PDE1C: variants seen among roughly 807,000 people sequenced by gnomAD.
PDE1C encodes the protein phosphodiesterase 1C.
A neutral mutation model predicts 93.1 loss-of-function variants in PDE1C; 62 were observed. The ratio of observed to expected loss-of-function variants is 0.67; its 90% CI spans 0.54 to 0.82. The LOEUF (loss-of-function observed/expected upper bound fraction) is 0.82, where lower values mean the gene tolerates loss of function less well. Ranked by LOEUF, PDE1C falls within the 40% of genes least tolerant of loss-of-function variation. The probability of loss-of-function intolerance (pLI) is 0.00; values close to 1 mark genes in which losing one functional copy is unlikely to be tolerated. For synonymous variants in PDE1C, 325 were observed against 310.1 expected, an observed-to-expected ratio of 1.05 and a Z score of -0.50; for missense variants, 742 against 884.6, an observed-to-expected ratio of 0.84 and a Z score of 2.04.
intron 1 of PDE1C, among the ~76,000 whole-genome samples, chr7:32,398,385 A>T (rs1784878552): frequency 6.6e-6 from 1 of 151,488 alleles, no homozygotes; most frequent in Admixed American, 6.6e-5. Context: ...CTTGGTAGGA[A>T]CTGTGATTTT....
At chr7:31,863,195 G>T (rs1000247569) in intron 7 of PDE1C, among the ~76,000 whole-genome samples, 6 of 152,018 alleles carry the variant, frequency 3.9e-5, no homozygotes, top group Middle Eastern at 3.4e-3. Context: ...TGTTTTTGAG[G>T]CTCTTTATAG....
intron 1 of PDE1C, among the ~76,000 whole-genome samples, chr7:32,293,136 G>C (rs542263362): frequency 6.6e-6 from 1 of 152,194 alleles, no homozygotes; most frequent in African/African-American, 2.4e-5. Flanking sequence ...CACCCACAGG[G>C]TGACAGCCAG....
intron 1 of PDE1C, among the ~76,000 whole-genome samples, chr7:32,282,568 A>T (rs1811732465): frequency 6.9e-6 from 1 of 144,458 alleles, no homozygotes; most frequent in African/African-American, 2.6e-5. Flanking sequence ...AAATAACAGA[A>T]CAGTTTTATG....
chr7:32,148,011 A>G (rs1372227573), intron 3 of PDE1C, among the ~76,000 whole-genome samples: 1 of 139,186 alleles, frequency 7.2e-6, no homozygotes, highest in East Asian at 2.4e-4. Flanking sequence ...AAAAAGCCTA[A>G]CCTTTAAAAT....
Position 31,809,103 on chromosome 7 carries a change from A to C in PDE1C, c.1819T>G (p.Phe607Val), listed in dbSNP as rs1300486480. Reference protein sequence around the residue: ...SSGEQQQNGDFKDGKNKTDKK... With the variant: ...SSGEQQQNGDVKDGKNKTDKK... Reference sequence around the variant, plus strand: ...TCTGTCTTATTTTTACCATCTTTGAAGTCACCTGAAAGTAATAAACATGAC... The same window carrying C: ...TCTGTCTTATTTTTACCATCTTTGACGTCACCTGAAAGTAATAAACATGAC... Residue 607 changes from phenylalanine to valine, a missense_variant, in exon 16 of 18, where the codon TTC (phenylalanine) becomes GTC (valine). This residue lies in a region of PDE1C where 454 missense variants were observed against 459.4 expected (regional missense o/e 0.99). Coordinates refer to ENST00000396191, the MANE Select transcript of PDE1C (RefSeq NM_001191057.4). 6.4e-7 allele frequency: 1 copy of C among 1,562,840 alleles called. No homozygotes were observed. Among genetic ancestry groups the C allele is most frequent in the Admixed American group, 1.7e-5 (1 of 59,740 alleles).
intron 3 of PDE1C, among the ~76,000 whole-genome samples, chr7:32,148,150 C>T (rs959294091): frequency 3.9e-5 from 6 of 152,084 alleles, no homozygotes; most frequent in East Asian, 1.9e-4. Flanking sequence ...GTATCACAGG[C>T]AATCTGTGCT....
At chr7:31,815,871 A>G in intron 15 of PDE1C, 53 bp downstream of exon 15, 5 of 1,331,980 alleles carry the variant, frequency 3.8e-6, no homozygotes, top group East Asian at 4.6e-5. Flanking sequence ...GTTTCCATTC[A>G]TTATGTCATT....
the PDE1C span, among the ~76,000 whole-genome samples, chr7:31,627,576 T>A: frequency 6.9e-6 from 1 of 144,426 alleles, no homozygotes; most frequent in Admixed American, 7.4e-5. Context: ...GAGGATTGCT[T>A]GAGCCCAGGA....
intron 2 of PDE1C, among the ~76,000 whole-genome samples, chr7:32,045,495 C>G (rs963322532): frequency 5.9e-5 from 9 of 152,174 alleles, no homozygotes; most frequent in African/African-American, 1.9e-4. Flanking sequence ...TTGGAAGATC[C>G]TCTTGTCCCT....
intron 14 of PDE1C, among the ~76,000 whole-genome samples, chr7:31,817,066 A>G (rs1788363140): frequency 6.6e-6 from 1 of 152,176 alleles, no homozygotes; most frequent in African/African-American, 2.4e-5. Context: ...AAGTGGATTT[A>G]TAAAGAGGAG....
intron 1 of PDE1C, among the ~76,000 whole-genome samples, chr7:32,314,750 G>A (rs77198602): frequency 0.013 from 1,923 of 152,080 alleles, 13 homozygotes; most frequent in Non-Finnish European, 0.021. Flanking sequence ...CACCAAGAAC[G>A]CTGAAACCAG....
intron 2 of PDE1C, among the ~76,000 whole-genome samples, chr7:32,182,679 C>A (rs1417747782): frequency 3.9e-5 from 6 of 152,068 alleles, no homozygotes; most frequent in African/African-American, 1.4e-4. Flanking sequence ...TATGATAAAC[C>A]CACAGGCAAT....
intron 15 of PDE1C, among the ~76,000 whole-genome samples, chr7:31,814,958 G>A (rs1275648360): frequency 6.6e-6 from 1 of 151,744 alleles, no homozygotes; most frequent in Non-Finnish European, 1.5e-5. Context: ...AAGCTCTGGA[G>A]ACTCAGAACT....
rs564292730 is a variant in PDE1C, at chr7:31,968,677, G to C, written c.128+82877C>G. On this transcript the variant is annotated intron_variant, in intron 2 of 17. Coordinates refer to ENST00000396191, the MANE Select transcript of PDE1C (RefSeq NM_001191057.4). Reference sequence around the variant, plus strand: ...GTCAATCCTAAGCCAAAAGAACAAAGCTGGAGGCATCATGCTACCTGACTT... The same window carrying C: ...GTCAATCCTAAGCCAAAAGAACAAACCTGGAGGCATCATGCTACCTGACTT... 8.8e-3 allele frequency among the ~76,000 whole-genome samples: 1,343 copies of C among 152,258 alleles called. 26 individuals carry two copies. The highest frequency in any genetic ancestry group is 0.031 in the African/African-American group (1,286 of 41,532).
chr7:31,799,557 T>C (rs1442996865), intron 16 of PDE1C, among the ~76,000 whole-genome samples: 1 of 151,654 alleles, frequency 6.6e-6, no homozygotes, highest in East Asian at 1.9e-4. Flanking sequence ...CATCTATTTT[T>C]TAAAAAATTA....
chr7:31,870,845 A>T (rs1164946257), intron 6 of PDE1C, among the ~76,000 whole-genome samples: 1 of 151,980 alleles, frequency 6.6e-6, no homozygotes, highest in Non-Finnish European at 1.5e-5. Flanking sequence ...ATCACACTAC[A>T]TAAATTCAAA....
chr7:31,703,675 C>A, the PDE1C span, among the ~76,000 whole-genome samples: 608 of 152,316 alleles, frequency 4.0e-3, 17 homozygotes, highest in Admixed American at 0.037. Flanking sequence ...GGCAGATGTT[C>A]AGAAGGACTC....
At chr7:32,367,587 T>C (rs1043457612) in intron 1 of PDE1C, among the ~76,000 whole-genome samples, 1 of 152,178 alleles carries the variant, frequency 6.6e-6, no homozygotes. Context: ...CTGGGTGTGG[T>C]GGCTTATGCC....
the PDE1C span, among the ~76,000 whole-genome samples, chr7:31,712,013 G>A: frequency 6.6e-6 from 1 of 152,122 alleles, no homozygotes; most frequent in Admixed American, 6.5e-5. Context: ...CTAGAGCTCA[G>A]CAAAGTGCCA....
Sources: allele counts gnomAD v4.1 joint callset (sites outside exome capture counted in the v4.1 genomes callset), GRCh38; gene constraint gnomAD v4.1.1; regional missense constraint gnomAD v4.1.1; transcripts MANE v1.5; gene names NCBI Gene and HGNC (gene_info 2026-07-23, HGNC 2026-07-21).